The following HS6ST3 variants were observed in gnomAD, a reference collection of about 807,000 sequenced individuals.
HS6ST3 encodes heparan sulfate 6-O-sulfotransferase 3, also known as heparan-sulfate 6-O-sulfotransferase 3.
In HS6ST3, 12 loss-of-function variants were observed where a neutral mutation model predicts 36.7. The observed-to-expected ratio is 0.33, with a 90% CI of 0.21 to 0.53. The LOEUF (loss-of-function observed/expected upper bound fraction) is 0.53, where lower values mean the gene tolerates loss of function less well. Ranked by LOEUF, HS6ST3 falls within the 20% of genes least tolerant of loss-of-function variation. The pLI, the probability that HS6ST3 is intolerant of heterozygous loss-of-function variation, is 0.95. For synonymous variants in HS6ST3, 240 were observed against 257.5 expected (o/e 0.93, Z 0.65); for missense variants, 584 against 640.9 (o/e 0.91, Z 0.96).
intron 1 of HS6ST3, among the ~76,000 whole-genome samples, chr13:96,349,249 T>G (rs1289538195): frequency 6.6e-6 from 1 of 152,242 alleles, no homozygotes. Context: ...CAACTTGTTC[T>G]GAAGTTTTTA....
At chr13:96,257,233 A>G (rs1278386213) in intron 1 of HS6ST3, among the ~76,000 whole-genome samples, 1 of 152,210 alleles carries the variant, frequency 6.6e-6, no homozygotes, top group East Asian at 1.9e-4. Context: ...TAATCCTACT[A>G]CGCTGGCCTC....
At chr13:96,232,901 G>A (rs1237446455) in intron 1 of HS6ST3, among the ~76,000 whole-genome samples, 2 of 152,152 alleles carry the variant, frequency 1.3e-5, no homozygotes, top group Non-Finnish European at 2.9e-5. Context: ...GTGTTGGGTG[G>A]TTAGGCCTAG....
At chr13:96,813,546 A>C (rs1290354515) in intron 1 of HS6ST3, among the ~76,000 whole-genome samples, 4 of 152,190 alleles carry the variant, frequency 2.6e-5, no homozygotes, top group African/African-American at 9.6e-5. Context: ...GCAGCAATAT[A>C]TTGACTCTCC....
intron 1 of HS6ST3, among the ~76,000 whole-genome samples, chr13:96,312,951 CA>C (rs754098470): frequency 0.097 from 7,887 of 81,274 alleles, 131 homozygotes; most frequent in East Asian, 0.19. Context: ...GACCCTGTCT[CA>C]AAAAAAAAAA....
chr13:96,122,747 C>T (rs1322895815), intron 1 of HS6ST3, among the ~76,000 whole-genome samples: 1 of 152,092 alleles, frequency 6.6e-6, no homozygotes, highest in Non-Finnish European at 1.5e-5. Context: ...ATCAGCGTTT[C>T]GAACTGGGGC....
chr13:96,160,623 T>G (rs1014104768), intron 1 of HS6ST3, among the ~76,000 whole-genome samples: 2 of 152,190 alleles, frequency 1.3e-5, no homozygotes, highest in African/African-American at 4.8e-5. Flanking sequence ...TAACTTCCAT[T>G]TACTCTGGGT....
At chr13:96,203,347 A>C (rs926172686) in intron 1 of HS6ST3, among the ~76,000 whole-genome samples, 3 of 152,132 alleles carry the variant, frequency 2.0e-5, no homozygotes, top group Admixed American at 6.5e-5. Context: ...AGAGGGGGCA[A>C]AGAAGCCCTC....
intron 1 of HS6ST3, among the ~76,000 whole-genome samples, chr13:96,765,743 G>A (rs188734645): frequency 1.3e-5 from 2 of 152,028 alleles, no homozygotes; most frequent in African/African-American, 2.4e-5. Flanking sequence ...CAAAAGCTTT[G>A]TGTACTAAAT....
At chr13:96,565,952 G>T (rs1246000458) in intron 1 of HS6ST3, among the ~76,000 whole-genome samples, 1 of 152,024 alleles carries the variant, frequency 6.6e-6, no homozygotes, top group African/African-American at 2.4e-5. Context: ...ACATAATCAG[G>T]ATCAGAATAA....
At position 96,254,460 on chromosome 13, in the gene HS6ST3, T is replaced by A. The variant is rs1365053146; in HGVS notation, c.707+162891T>A. Among the ~76,000 whole-genome samples, 4 of 3,492 alleles carry A rather than the reference T, an allele frequency of 1.1e-3. 2 individuals carry two copies. Among genetic ancestry groups the A allele is most frequent in the African/African-American group, 1.6e-3 (2 of 1,242 alleles). 2.3% of individuals were successfully genotyped at this position (3,492 alleles called of 152,430 possible). A position where few individuals can be genotyped will look rare whatever the true frequency, so the allele number is the denominator to read the frequency against. On this transcript the variant is annotated intron_variant, in intron 1 of 1. Coordinates refer to ENST00000376705, the MANE Select transcript of HS6ST3 (RefSeq NM_153456.4). ...AAAAAAAAAAAAAAATATATATATA[T>A]ATATATATATATATATATATATATA...
At chr13:96,466,163 C>T (rs1171643210) in intron 1 of HS6ST3, among the ~76,000 whole-genome samples, 1 of 152,060 alleles carries the variant, frequency 6.6e-6, no homozygotes, top group Non-Finnish European at 1.5e-5. Context: ...CAACTGTAAT[C>T]CCAGCTACTC....
chr13:96,342,239 A>G (rs1321099920), intron 1 of HS6ST3, among the ~76,000 whole-genome samples: 4 of 152,292 alleles, frequency 2.6e-5, no homozygotes, highest in Non-Finnish European at 5.9e-5. Flanking sequence ...TTGGACATTT[A>G]TGATTTGAGA....
intron 1 of HS6ST3, among the ~76,000 whole-genome samples, chr13:96,706,839 G>C (rs545341645): frequency 6.6e-6 from 1 of 152,126 alleles, no homozygotes; most frequent in African/African-American, 2.4e-5. Flanking sequence ...CAATAGATAA[G>C]ATTCTTTCTC....
At chr13:96,524,052 G>T (rs1476713884) in intron 1 of HS6ST3, among the ~76,000 whole-genome samples, 1 of 152,158 alleles carries the variant, frequency 6.6e-6, no homozygotes, top group Non-Finnish European at 1.5e-5. Flanking sequence ...TGGTGTGGAT[G>T]TCCTTCTTGT....
intron 1 of HS6ST3, among the ~76,000 whole-genome samples, chr13:96,328,997 A>G (rs1430285414): frequency 6.6e-6 from 1 of 151,036 alleles, no homozygotes. Context: ...CTCTGATGGT[A>G]GTTTGTATTT....
intron 1 of HS6ST3, among the ~76,000 whole-genome samples, chr13:96,676,278 C>T (rs650488): frequency 0.96 from 145,328 of 152,146 alleles, 69,661 homozygotes; most frequent in East Asian, 1. Flanking sequence ...GGTCTTCTCT[C>T]TGTGAGTCTA....
intron 1 of HS6ST3, among the ~76,000 whole-genome samples, chr13:96,463,926 G>C (rs1313298814): frequency 2.0e-5 from 3 of 151,354 alleles, no homozygotes; most frequent in Non-Finnish European, 4.4e-5. Flanking sequence ...GGTTATACCA[G>C]TGGTGGAGAA....
At chr13:96,711,367 CTAAA>C (rs769308779) in intron 1 of HS6ST3, among the ~76,000 whole-genome samples, 9 of 152,062 alleles carry the variant, frequency 5.9e-5, no homozygotes, top group Non-Finnish European at 1.2e-4. Context: ...GTATAACTTC[CTAAA>C]TATATTCATA....
At chr13:96,721,681 A>G (rs1875849043) in intron 1 of HS6ST3, among the ~76,000 whole-genome samples, 1 of 152,176 alleles carries the variant, frequency 6.6e-6, no homozygotes, top group Non-Finnish European at 1.5e-5. Context: ...ATCTAAACAC[A>G]TAGGGCCAGA....
Sources: allele counts gnomAD v4.1 joint callset (sites outside exome capture counted in the v4.1 genomes callset), GRCh38; gene constraint gnomAD v4.1.1; transcripts MANE v1.5; gene names NCBI Gene and HGNC (gene_info 2026-07-23, HGNC 2026-07-21).